Variants in NCK2 observed in about 807,000 individuals in gnomAD.
The protein encoded by NCK2 is cytoplasmic protein NCK2.
A neutral mutation model predicts 33.9 loss-of-function variants in NCK2; 16 were observed. That is an observed-to-expected ratio of 0.47 (90% CI 0.32 to 0.72). NCK2 has a LOEUF of 0.72. Among genes scored for constraint, NCK2 ranks in the 30% least tolerant of loss-of-function variants. The pLI is 0.03. For synonymous variants in NCK2, 273 were observed against 239.9 expected, an observed-to-expected ratio of 1.14 and a Z score of -1.27; for missense variants, 418 against 537.3, an observed-to-expected ratio of 0.78 and a Z score of 2.19.
At chr2:105,889,294 T>A (rs1405204852) in intron 4 of NCK2, among the ~76,000 whole-genome samples, 1 of 152,242 alleles carries the variant, frequency 6.6e-6, no homozygotes, top group African/African-American at 2.4e-5. Flanking sequence ...AGGACAGAAT[T>A]GGAAAAGTAT....
At chr2:105,763,624 G>GTGGGGT (rs1221990390) in intron 1 of NCK2, among the ~76,000 whole-genome samples, 3 of 152,188 alleles carry the variant, frequency 2.0e-5, no homozygotes, top group African/African-American at 7.2e-5. Flanking sequence ...TGTTACAGCA[G>GTGGGGT]TGGGGTTGGG....
intron 1 of NCK2, among the ~76,000 whole-genome samples, chr2:105,815,142 T>C (rs553680298): frequency 6.6e-6 from 1 of 152,242 alleles, no homozygotes; most frequent in Non-Finnish European, 1.5e-5. Flanking sequence ...ATCTGCCTAG[T>C]ATACGTTTGA....
At position 105,881,323 on chromosome 2, in the gene NCK2, C is replaced by T; in HGVS notation, c.227-5C>T. On this transcript the variant is annotated splice_polypyrimidine_tract_variant and splice_region_variant and intron_variant, in intron 3 of 4. Transcript: ENST00000233154. ...GCGCCACTGAGCCTTGCTGTGTCTC[C>T]ACAGGCCTCGGCAAGACGCGCAGGA... 2 of 1,582,358 alleles carry T rather than the reference C, an allele frequency of 1.3e-6. No individual in the cohort carries two copies. Among genetic ancestry groups the T allele is most frequent in the African/African-American group, 2.7e-5 (2 of 74,776 alleles).
At chr2:105,873,306 G>A (rs934879634) in intron 3 of NCK2, among the ~76,000 whole-genome samples, 1 of 152,132 alleles carries the variant, frequency 6.6e-6, no homozygotes, top group African/African-American at 2.4e-5. Context: ...ATTCATGTGG[G>A]CCCACCCTAA....
chr2:105,810,270 T>C (rs1675238349), intron 1 of NCK2, among the ~76,000 whole-genome samples: 1 of 152,158 alleles, frequency 6.6e-6, no homozygotes, highest in South Asian at 2.1e-4. Context: ...TGTCTCACCT[T>C]CTGGCCCGCT....
chr2:105,808,655 G>C lies in NCK2; in HGVS notation c.-200-7775G>C, dbSNP rs4851092. Reference sequence around the variant, plus strand: ...CAGGGTGGATCACCCAGCGTCTTCAGTGCATTGTCATTAAAATAAAATCGA... The same window carrying C: ...CAGGGTGGATCACCCAGCGTCTTCACTGCATTGTCATTAAAATAAAATCGA... On this transcript the variant is annotated intron_variant, in intron 1 of 4. Transcript: ENST00000233154. Among the ~76,000 whole-genome samples, 5 of 152,228 alleles carry C rather than the reference G, an allele frequency of 3.3e-5. No individual in the cohort carries two copies. In the South Asian group the frequency reaches 1.0e-3, roughly 32 times the overall value.
intron 2 of NCK2, among the ~76,000 whole-genome samples, chr2:105,824,066 A>G (rs972150195): frequency 5.9e-5 from 9 of 152,130 alleles, no homozygotes; most frequent in African/African-American, 2.2e-4. Context: ...GGCCAGGGAC[A>G]GGGAGAGGCT....
Position 105,881,461 on chromosome 2 carries a change from C to T in NCK2, c.360C>T (p.Phe120=), listed in dbSNP as rs199727155. Residue 120 remains phenylalanine, a synonymous_variant, in exon 4 of 5, where the codon TTC becomes TTT. Transcript: ENST00000233154. ...YDLNIPAFVK[F]AYVAEREDEL... Reference sequence around the variant, plus strand: ...TCAACATCCCGGCCTTCGTCAAGTTCGCCTATGTGGCCGAGCGGGAGGATG... The same window carrying T: ...TCAACATCCCGGCCTTCGTCAAGTTTGCCTATGTGGCCGAGCGGGAGGATG... The T allele has an allele frequency of 4.3e-6, 7 of 1,613,714 alleles. No homozygotes were observed. Among genetic ancestry groups the T allele is most frequent in the African/African-American group, 1.3e-5 (1 of 74,940 alleles).
chr2:105,883,731 T>C (rs992119174), intron 4 of NCK2, among the ~76,000 whole-genome samples: 7 of 152,208 alleles, frequency 4.6e-5, no homozygotes, highest in African/African-American at 9.7e-5. Context: ...CACCCCACTG[T>C]CTCAGTTGTC....
At chr2:105,796,761 ATAAC>A (rs1461208400) in intron 1 of NCK2, among the ~76,000 whole-genome samples, 3 of 152,362 alleles carry the variant, frequency 2.0e-5, no homozygotes, top group South Asian at 4.1e-4. Flanking sequence ...AATTGGAAAA[ATAAC>A]TAAGCATTTC....
At chr2:105,781,589 T>C (rs1044757424) in intron 1 of NCK2, among the ~76,000 whole-genome samples, 1 of 152,242 alleles carries the variant, frequency 6.6e-6, no homozygotes, top group African/African-American at 2.4e-5. Context: ...AGTGTGACTT[T>C]GGGCTGGCAG....
intron 1 of NCK2, among the ~76,000 whole-genome samples, chr2:105,815,791 C>T (rs540399337): frequency 3.8e-4 from 58 of 152,342 alleles, no homozygotes; most frequent in Non-Finnish European, 6.3e-4. Context: ...AGTCTCTAAA[C>T]AATATCCATG....
At chr2:105,823,909 C>A (rs1013301837) in intron 2 of NCK2, among the ~76,000 whole-genome samples, 12 of 152,000 alleles carry the variant, frequency 7.9e-5, no homozygotes, top group African/African-American at 2.9e-4. Context: ...GTTCCGTGAC[C>A]TTCCCGTGTG....
chr2:105,814,849 A>T (rs903203496), intron 1 of NCK2, among the ~76,000 whole-genome samples: 1 of 152,254 alleles, frequency 6.6e-6, no homozygotes, highest in African/African-American at 2.4e-5. Flanking sequence ...ACAACTGCAT[A>T]AAACAATTCC....
chr2:105,833,525 G>C (rs1206881922), intron 2 of NCK2, among the ~76,000 whole-genome samples: 1 of 151,802 alleles, frequency 6.6e-6, no homozygotes, highest in East Asian at 1.9e-4. Flanking sequence ...ATATTTCTGT[G>C]GTAACTTGTA....
rs1553464584 is a variant in NCK2, at chr2:105,894,020, C to CACACACTA, written c.*844_*845insACACACTA. 0.026 allele frequency: 2,218 copies of CACACACTA among 85,644 alleles called. 28 individuals are homozygous for CACACACTA. The highest frequency in any genetic ancestry group is 0.036 in the Non-Finnish European group (1,324 of 37,102). The allele number at this position is 85,644 out of a possible 1,614,324, so 5.3% of individuals were successfully genotyped here. A position where few individuals can be genotyped will look rare whatever the true frequency, so the allele number is the denominator to read the frequency against. On this transcript the variant is annotated 3_prime_UTR_variant, in exon 5 of 5. Transcript: ENST00000233154. ...ACGTGCACACACACACACACACACA[C>CACACACTA]TATATATATATATATTATTTACAGG...
chr2:105,746,922 C>A (rs575328039), intron 1 of NCK2, among the ~76,000 whole-genome samples: 1 of 152,278 alleles, frequency 6.6e-6, no homozygotes, highest in Non-Finnish European at 1.5e-5. Flanking sequence ...CCGGAGGCCT[C>A]GCCTGGATTC....
chr2:105,794,267 G>T (rs917163759), intron 1 of NCK2, among the ~76,000 whole-genome samples: 1 of 151,888 alleles, frequency 6.6e-6, no homozygotes, highest in Non-Finnish European at 1.5e-5. Context: ...GGCCAGACTG[G>T]TCTCAAACTC....
At chr2:105,860,166 G>A (rs1270506041) in intron 3 of NCK2, among the ~76,000 whole-genome samples, 2 of 152,068 alleles carry the variant, frequency 1.3e-5, no homozygotes, top group Non-Finnish European at 2.9e-5. Flanking sequence ...TGTGCCTGTG[G>A]TCCCAGCTAC....
Sources: gnomAD v4.1 joint callset for allele counts (sites outside exome capture counted in the v4.1 genomes callset) on GRCh38, gnomAD v4.1.1 for gene constraint, MANE v1.5 for transcripts, NCBI Gene and HGNC (gene_info 2026-07-23, HGNC 2026-07-21) for gene names.